DENND5A: variants seen among roughly 807,000 people sequenced by gnomAD.
DENND5A encodes the protein DENN domain containing 5A.
Under a neutral mutation model 140.3 loss-of-function variants are expected in DENND5A, and 64 were observed. The ratio of observed to expected loss-of-function variants is 0.46; its 90% CI spans 0.37 to 0.56. The LOEUF (loss-of-function observed/expected upper bound fraction) is 0.56, where lower values mean the gene tolerates loss of function less well. Ranked by LOEUF, DENND5A falls within the 20% of genes least tolerant of loss-of-function variation. The pLI, the probability that DENND5A is intolerant of heterozygous loss-of-function variation, is 0.00. For missense variants in DENND5A, 1,292 were observed against 1,593.8 expected (o/e 0.81, Z 3.22); for synonymous variants, 605 against 607.7 (o/e 1.00, Z 0.07).
At chr11:9,250,594 A>C (rs1400973636) in intron 1 of DENND5A, among the ~76,000 whole-genome samples, 1 of 152,212 alleles carries the variant, frequency 6.6e-6, no homozygotes, top group Non-Finnish European at 1.5e-5. Context: ...CTGGATTCTA[A>C]CAGATCTTTC....
intron 1 of DENND5A, among the ~76,000 whole-genome samples, chr11:9,214,588 G>A (rs1053475245): frequency 6.6e-6 from 1 of 152,182 alleles, no homozygotes; most frequent in Admixed American, 6.5e-5. Flanking sequence ...ACTGTTCCTT[G>A]AAGAGACAGG....
intron 1 of DENND5A, among the ~76,000 whole-genome samples, chr11:9,217,022 C>G (rs867682885): frequency 1.3e-5 from 2 of 152,000 alleles, no homozygotes; most frequent in Non-Finnish European, 2.9e-5. Context: ...GGCAACAGAG[C>G]AAGATCCCAT....
chr11:9,182,690 T>A (rs796380391), intron 5 of DENND5A, among the ~76,000 whole-genome samples: 123 of 152,258 alleles, frequency 8.1e-4, no homozygotes, highest in African/African-American at 2.9e-3. Context: ...TTCTCACTTG[T>A]ATGTGGGAGC....
chr11:9,206,528 C>T, intron 3 of DENND5A, 145 bp downstream of exon 3: 2 of 648,978 alleles, frequency 3.1e-6, no homozygotes, highest in Admixed American at 5.9e-5. Context: ...GACCAAAATG[C>T]AGAATAATAA....
chr11:9,161,852 T>C (rs1030212268), intron 11 of DENND5A, among the ~76,000 whole-genome samples: 1 of 151,922 alleles, frequency 6.6e-6, no homozygotes, highest in Non-Finnish European at 1.5e-5. Context: ...CAATATAGTA[T>C]ATTTATAGTC....
intron 1 of DENND5A, among the ~76,000 whole-genome samples, chr11:9,255,026 G>A (rs1851886305): frequency 6.6e-6 from 1 of 151,942 alleles, no homozygotes; most frequent in Admixed American, 6.6e-5. Flanking sequence ...AGCCAAGATC[G>A]TGCTACTGCA....
chr11:9,172,238 A>G (rs759065519), intron 8 of DENND5A: 12 of 152,350 alleles, frequency 7.9e-5, no homozygotes, highest in Non-Finnish European at 1.0e-4. Context: ...CACAGATCTA[A>G]AAAGCACAAT....
chr11:9,172,972 T>C (rs569740286), intron 8 of DENND5A, among the ~76,000 whole-genome samples: 3 of 138,138 alleles, frequency 2.2e-5, no homozygotes, highest in Admixed American at 7.1e-5. Flanking sequence ...CGTACTATCA[T>C]GCCTGGCTAA....
intron 1 of DENND5A, among the ~76,000 whole-genome samples, chr11:9,218,357 T>C (rs1044969780): frequency 6.6e-6 from 1 of 151,904 alleles, no homozygotes; most frequent in African/African-American, 2.4e-5. Flanking sequence ...TTTGAGGAAA[T>C]ATCCTCAGAA....
chr11:9,222,225 A>G (rs1379596779), intron 1 of DENND5A, among the ~76,000 whole-genome samples: 2 of 152,202 alleles, frequency 1.3e-5, no homozygotes, highest in Non-Finnish European at 2.9e-5. Context: ...GTATATCCTC[A>G]TGCCAGATTA....
At chr11:9,182,790 G>A (rs1206220264) in intron 5 of DENND5A, among the ~76,000 whole-genome samples, 1 of 152,150 alleles carries the variant, frequency 6.6e-6, no homozygotes, top group Admixed American at 6.5e-5. Flanking sequence ...GAAAGAGACT[G>A]ATTATCCAAT....
intron 1 of DENND5A, among the ~76,000 whole-genome samples, chr11:9,262,573 T>C (rs1328773392): frequency 1.3e-5 from 2 of 152,138 alleles, no homozygotes; most frequent in African/African-American, 4.8e-5. Context: ...GGGCCTCATT[T>C]TCCCCTCTGA....
chr11:9,194,900 G>A (rs952930090), intron 4 of DENND5A, among the ~76,000 whole-genome samples: 22 of 150,828 alleles, frequency 1.5e-4, no homozygotes, highest in African/African-American at 4.9e-4. Context: ...TGTGTTTTTG[G>A]TAGAGACGGG....
intron 1 of DENND5A, among the ~76,000 whole-genome samples, chr11:9,234,035 G>A (rs192343604): frequency 9.9e-5 from 15 of 151,968 alleles, no homozygotes; most frequent in African/African-American, 2.4e-4. Flanking sequence ...AAAATTAGCC[G>A]GGCATGGTAG....
At chr11:9,156,166 G>A (rs1847794457) in intron 12 of DENND5A, among the ~76,000 whole-genome samples, 1 of 152,072 alleles carries the variant, frequency 6.6e-6, no homozygotes, top group Non-Finnish European at 1.5e-5. Flanking sequence ...ATGGTGTTAG[G>A]AACCCAACAT....
chr11:9,206,779 T>C lies in DENND5A; in HGVS notation c.185A>G (p.Glu62Gly), dbSNP rs1849704635. 1 of 1,607,848 alleles carries C rather than the reference T, an allele frequency of 6.2e-7. No individual in the cohort carries two copies. Among genetic ancestry groups the C allele is most frequent in the Non-Finnish European group, 8.5e-7 (1 of 1,174,606 alleles). ...SPFISSTTEG[E>G]NFEQTPLRRT... Reference sequence around the variant, plus strand: ...TCTCAATGGTGTCTGCTCAAAATTTTCTCCTGTAAGAAAAAGAATGAAGTA... The same window carrying C: ...TCTCAATGGTGTCTGCTCAAAATTTCCTCCTGTAAGAAAAAGAATGAAGTA... The change falls in exon 3 of 23, where the codon GAA (glutamate) becomes GGA (glycine). Residue 62 changes from glutamate (E) to glycine (G), a missense_variant. By Grantham distance (98) the Glu-to-Gly change is moderately conservative (BLOSUM62 -2). Coordinates refer to ENST00000328194, the MANE Select transcript of DENND5A (RefSeq NM_015213.4).
intron 7 of DENND5A, among the ~76,000 whole-genome samples, 157 bp from the exon 8 acceptor site, chr11:9,178,523 G>C (rs979002515): frequency 6.6e-6 from 1 of 150,802 alleles, no homozygotes; most frequent in Non-Finnish European, 1.5e-5. Flanking sequence ...ACCCACTCAT[G>C]TAAGTTCAGG....
chr11:9,155,785 G>C (rs1410222906), intron 12 of DENND5A, among the ~76,000 whole-genome samples: 1 of 152,228 alleles, frequency 6.6e-6, no homozygotes, highest in Non-Finnish European at 1.5e-5. Context: ...CATACTATAG[G>C]TGGAAGCCCA....
At chr11:9,143,510 C>G in intron 19 of DENND5A, 25 bp from the exon 20 acceptor site, 2 of 1,586,136 alleles carry the variant, frequency 1.3e-6, no homozygotes, top group Non-Finnish European at 1.7e-6. Flanking sequence ...GCAGACATCC[C>G]TAACCAATCT....
Sources: allele counts gnomAD v4.1 joint callset (sites outside exome capture counted in the v4.1 genomes callset), GRCh38; gene constraint gnomAD v4.1.1; transcripts MANE v1.5; gene names NCBI Gene and HGNC (gene_info 2026-07-23, HGNC 2026-07-21).